The following COX7A2L variants were observed in gnomAD, a reference collection of about 807,000 sequenced individuals.
COX7A2L encodes the protein cytochrome c oxidase subunit 7A2 like.
In COX7A2L, 18 loss-of-function variants were observed where a neutral mutation model predicts 14.2. The observed-to-expected ratio is 1.27, with a 90% confidence interval of 0.88 to 1.88. The LOEUF is 1.88. Ranked by LOEUF, COX7A2L falls within the 40% of genes most tolerant of loss-of-function variation. The probability of loss-of-function intolerance (pLI) is 0.00; values close to 1 mark genes in which losing one functional copy is unlikely to be tolerated. For synonymous variants in COX7A2L, 65 were observed against 57.4 expected, an observed-to-expected ratio of 1.13 and a Z score of -0.60; for missense variants, 179 against 138.8, an observed-to-expected ratio of 1.29 and a Z score of -1.46.
At chr2:42,348,003 G>C (rs1182040583), downstream of COX7A2L, among the ~76,000 whole-genome samples, 5 of 152,186 alleles carry the variant, frequency 3.3e-5, no homozygotes, top group Admixed American at 6.5e-5. Context: ...AAAACACAAG[G>C]TCAGCATGGA....
At chr2:42,352,337 G>C (rs1670673986) in intron 2 of COX7A2L, among the ~76,000 whole-genome samples, 1 of 152,004 alleles carries the variant, frequency 6.6e-6, no homozygotes, top group Admixed American at 6.6e-5. Context: ...ACTCAGCTAA[G>C]TTTTTTTGTA....
intron 1 of COX7A2L, among the ~76,000 whole-genome samples, chr2:42,360,242 C>A (rs1477619246): frequency 1.3e-5 from 2 of 152,200 alleles, no homozygotes; most frequent in Non-Finnish European, 2.9e-5. Flanking sequence ...TAACACTTAT[C>A]CAGAACCAAC....
chr2:42,362,512 A>T (rs932355933), upstream of COX7A2L, among the ~76,000 whole-genome samples: 2 of 152,228 alleles, frequency 1.3e-5, no homozygotes, highest in Admixed American at 1.3e-4. Flanking sequence ...GAAGCTAAGT[A>T]ACTTGCTCAG....
intron 2 of COX7A2L, among the ~76,000 whole-genome samples, chr2:42,343,618 A>G (rs1254094947): frequency 6.6e-6 from 1 of 152,162 alleles, no homozygotes; most frequent in Admixed American, 6.5e-5. Flanking sequence ...CGTCAAATAT[A>G]TGTATTAAAT....
chr2:42,363,369 G>A (rs1671099915), upstream of COX7A2L, among the ~76,000 whole-genome samples: 1 of 152,212 alleles, frequency 6.6e-6, no homozygotes, highest in African/African-American at 2.4e-5. Context: ...GACAGCTACT[G>A]TCTCCATCCC....
intron 1 of COX7A2L, among the ~76,000 whole-genome samples, chr2:42,368,113 C>T (rs558907637): frequency 6.6e-6 from 1 of 152,326 alleles, no homozygotes; most frequent in South Asian, 2.1e-4. Flanking sequence ...CAGTTCTGTT[C>T]TTGAATCATT....
upstream of COX7A2L, among the ~76,000 whole-genome samples, chr2:42,364,841 G>A (rs149126543): frequency 5.3e-5 from 8 of 152,212 alleles, no homozygotes; most frequent in Admixed American, 2.6e-4. Flanking sequence ...GCTTTATTGC[G>A]GTACAGGATG....
At chr2:42,345,970 G>T (rs1293720731), downstream of COX7A2L, among the ~76,000 whole-genome samples, 1 of 152,118 alleles carries the variant, frequency 6.6e-6, no homozygotes, top group Non-Finnish European at 1.5e-5. Flanking sequence ...ACCTGGCAAG[G>T]GTTCAGAGTA....
chr2:42,359,298 A>G (rs1365591434), intron 1 of COX7A2L: 1 of 152,210 alleles, frequency 6.6e-6, no homozygotes, highest in African/African-American at 2.4e-5. Flanking sequence ...AAAACTATCT[A>G]TTTATGATGA....
At chr2:42,347,121 T>C (rs1391651413), downstream of COX7A2L, among the ~76,000 whole-genome samples, 1 of 152,150 alleles carries the variant, frequency 6.6e-6, no homozygotes, top group East Asian at 1.9e-4. Context: ...CACCTCAGCC[T>C]CCCAACATGC....
In COX7A2L at chr2:42,343,706, T is replaced by C. The variant is rs530391845; in HGVS notation, c.192+9506A>G. ...AGGTATAACCTCTAGCTATTGAAGA[T>C]GAATGGGACAGAAAGTGAGAGGTTT... On this transcript the variant is annotated intron_variant, in intron 2 of 2. Transcript: ENST00000468711. Among the ~76,000 whole-genome samples, 3 of 152,292 alleles carry C rather than the reference T, an allele frequency of 2.0e-5. No homozygotes were observed. The South Asian group carries it at 6.2e-4, about 32-fold the overall frequency.
intron 1 of COX7A2L, among the ~76,000 whole-genome samples, chr2:42,368,382 T>G (rs1178180326): frequency 6.6e-6 from 1 of 152,248 alleles, no homozygotes; most frequent in African/African-American, 2.4e-5. Flanking sequence ...ATTCCATTTA[T>G]TTAGTCAAAA....
chr2:42,346,080 C>T (rs1670492149), downstream of COX7A2L, among the ~76,000 whole-genome samples: 1 of 152,190 alleles, frequency 6.6e-6, no homozygotes, highest in African/African-American at 2.4e-5. Flanking sequence ...TCCTTCCCTG[C>T]ATCTGCCCCC....
At chr2:42,367,512 A>G (rs139657897) in intron 1 of COX7A2L, among the ~76,000 whole-genome samples, 3 of 152,360 alleles carry the variant, frequency 2.0e-5, no homozygotes, top group African/African-American at 7.2e-5. Flanking sequence ...GGAAGTTATC[A>G]ATCAGTGAAA....
Position 42,339,267 on chromosome 2 carries a change from T to TGG in COX7A2L, c.193-5400_193-5399dup. ...CTCAGGAAACCACAGACGCGGCCGT[T>TGG]GGCACCACCAGGAGCTGAGGGGTTT... is the stretch of plus-strand genomic sequence containing the variant. On this transcript the variant is annotated intron_variant, in intron 2 of 2. Coordinates refer to the COX7A2L transcript ENST00000468711. The surrounding 1 kb of genome is among the most constrained non-coding windows in gnomAD (Gnocchi z 5.4). Among the ~76,000 whole-genome samples, 1 of 152,212 alleles carries TGG rather than the reference T, an allele frequency of 6.6e-6. No individual in the cohort carries two copies. The highest frequency in any genetic ancestry group is 2.1e-4 in the South Asian group (1 of 4,832).
chr2:42,346,999 C>T (rs1670510013), downstream of COX7A2L, among the ~76,000 whole-genome samples: 1 of 152,036 alleles, frequency 6.6e-6, no homozygotes, highest in Non-Finnish European at 1.5e-5. Context: ...GCAGCCTTGA[C>T]CTCCTGGGCT....
chr2:42,350,935 A>G lies in COX7A2L; in HGVS notation c.*284T>C, dbSNP rs1175198643. On this transcript the variant is annotated 3_prime_UTR_variant, in exon 3 of 3. Transcript: ENST00000234301. ...CCTGAGGTCCTCAGCACAGACTGAC[A>G]TTAACAAGCCTGTGTTCAGCCTTCA... 3.9e-6 allele frequency: 1 copy of G among 259,432 alleles called. No homozygotes were observed. Among genetic ancestry groups the G allele is most frequent in the Non-Finnish European group, 7.3e-6 (1 of 136,766 alleles). 16.1% of individuals were successfully genotyped at this position (259,432 alleles called of 1,614,324 possible).
upstream of COX7A2L, among the ~76,000 whole-genome samples, chr2:42,362,178 T>A (rs1042723312): frequency 5.3e-5 from 8 of 152,234 alleles, no homozygotes; most frequent in African/African-American, 1.9e-4. Flanking sequence ...GATCTGGAAC[T>A]ACCACTTTCA....
At chr2:42,366,439 T>C (rs559611899) in intron 1 of COX7A2L, among the ~76,000 whole-genome samples, 8 of 152,034 alleles carry the variant, frequency 5.3e-5, no homozygotes, top group Non-Finnish European at 8.8e-5. Flanking sequence ...AACAAAAACA[T>C]AGGGTGCTCT....
Sources: gnomAD v4.1 joint callset for allele counts (sites outside exome capture counted in the v4.1 genomes callset) on GRCh38, gnomAD v4.1.1 for gene constraint, Gnocchi (gnomAD v3.1) non-coding constraint, MANE v1.5 for transcripts, NCBI Gene and HGNC (gene_info 2026-07-23, HGNC 2026-07-21) for gene names.